ASIC1: variants seen among roughly 807,000 people sequenced by gnomAD.
ASIC1 encodes acid-sensing ion channel 1.
Under a neutral mutation model 63.4 loss-of-function variants are expected in ASIC1, and 21 were observed. That is an observed-to-expected ratio of 0.33 (90% CI 0.23 to 0.48). The LOEUF is 0.48. Ranked by LOEUF, ASIC1 falls within the 20% of genes least tolerant of loss-of-function variation. ASIC1 has a pLI of 0.99. For synonymous variants in ASIC1, 258 were observed against 278.2 expected (o/e 0.93, Z 0.72); for missense variants, 478 against 695.5 (o/e 0.69, Z 3.52).
At chr12:50,079,864 C>T in intron 7 of ASIC1, 38 bp from the exon 8 acceptor site, 1 of 1,565,454 alleles carries the variant, frequency 6.4e-7, no homozygotes, top group Admixed American at 1.8e-5. Context: ...GGCAGAAGGG[C>T]ACCACTCAAC....
At chr12:50,072,381 G>GTT (rs1950608192) in intron 3 of ASIC1, among the ~76,000 whole-genome samples, 1 of 152,120 alleles carries the variant, frequency 6.6e-6, no homozygotes, top group Non-Finnish European at 1.5e-5. Context: ...TTGGCTGATG[G>GTT]CTCAAGTTCC....
intron 3 of ASIC1, among the ~76,000 whole-genome samples, chr12:50,067,092 C>G (rs1379036909): frequency 1.6e-5 from 2 of 123,776 alleles, no homozygotes; most frequent in African/African-American, 6.2e-5. Flanking sequence ...ATGTATCGGT[C>G]TTTGTGCTAA....
intron 3 of ASIC1, among the ~76,000 whole-genome samples, chr12:50,071,638 G>A (rs1224403247): frequency 6.6e-6 from 1 of 151,448 alleles, no homozygotes; most frequent in Non-Finnish European, 1.5e-5. Flanking sequence ...AGGCAGTGGG[G>A]AGTGAGAGAA....
intron 3 of ASIC1, among the ~76,000 whole-genome samples, chr12:50,070,085 T>C (rs902450641): frequency 6.6e-6 from 1 of 151,958 alleles, no homozygotes; most frequent in Non-Finnish European, 1.5e-5. Flanking sequence ...GAAAGGGATA[T>C]AGAAAAAGTC....
At chr12:50,067,997 T>A (rs547647241) in intron 3 of ASIC1, among the ~76,000 whole-genome samples, 31 of 152,324 alleles carry the variant, frequency 2.0e-4, no homozygotes, top group Admixed American at 4.6e-4. Flanking sequence ...CCCAGAAAGT[T>A]CCTTCAGGCT....
rs148652119 is a variant in ASIC1 at position 50,078,467 on chromosome 12, T to A, written c.884T>A (p.Met295Lys). The A allele has an allele frequency of 1.2e-5, 20 of 1,614,068 alleles. No individual in the cohort carries two copies. The highest frequency in any genetic ancestry group is 1.6e-5 in the Non-Finnish European group (19 of 1,179,986). Residue 295 changes from methionine to lysine, a missense_variant, in exon 6 of 12, where the codon ATG (methionine) becomes AAG (lysine). By Grantham distance (95) the Met-to-Lys change is moderately conservative. Transcript: ENST00000447966. The surrounding 1 kb of genome is among the most constrained non-coding windows in gnomAD (Gnocchi z 6.0). Reference protein sequence around the residue: ...PPWGTCKAVTMDSDLDFFDSY... With the variant: ...PPWGTCKAVTKDSDLDFFDSY... ...TGGGGCACCTGCAAAGCTGTTACCA[T>A]GGACTCGGATTTGGATTTCTTCGAC...
rs1237954012 is a variant in ASIC1, at chr12:50,059,088, C to T, written c.322C>T (p.Leu108=). 3 of 1,613,978 alleles carry T rather than the reference C, an allele frequency of 1.9e-6. No individual in the cohort carries two copies. Among genetic ancestry groups the T allele is most frequent in the Non-Finnish European group, 2.5e-6 (3 of 1,180,028 alleles). ...FRFSQVSKND[L]YHAGELLALL... Reference sequence around the variant, plus strand: ...CTTTAGCCAAGTCTCCAAGAATGACCTGTATCATGCTGGGGAGCTGCTGGC... The same window carrying T: ...CTTTAGCCAAGTCTCCAAGAATGACTTGTATCATGCTGGGGAGCTGCTGGC... The change falls in exon 2 of 12, where the codon CTG becomes TTG. Residue 108 remains leucine (L), a synonymous_variant. Coordinates refer to ENST00000447966, the MANE Select transcript of ASIC1 (RefSeq NM_001095.4). The surrounding 1 kb of genome is among the most constrained non-coding windows in gnomAD (Gnocchi z 4.6).
chr12:50,083,037 A>G lies in ASIC1; in HGVS notation c.*1388A>G, dbSNP rs1950737123. On this transcript the variant is annotated 3_prime_UTR_variant, in exon 12 of 12. Coordinates refer to ENST00000447966, the MANE Select transcript of ASIC1 (RefSeq NM_001095.4). ...GGAGGTCTACCCTGGACACTAAGCC[A>G]AGTGTGTCAGAGACAGAAGGGAGCT... 1 of 152,690 alleles carries G rather than the reference A, an allele frequency of 6.5e-6. No homozygotes were observed. The highest frequency in any genetic ancestry group is 6.5e-5 in the Admixed American group (1 of 15,288). The allele number at this position is 152,690 out of a possible 1,614,324, so 9.5% of individuals were successfully genotyped here.
chr12:50,062,129 A>G (rs548946889), intron 3 of ASIC1, among the ~76,000 whole-genome samples: 16 of 152,096 alleles, frequency 1.1e-4, no homozygotes, highest in African/African-American at 3.6e-4. Context: ...CAAGAGCTCT[A>G]CCCATAGGGA....
chr12:50,069,251 TTTTATTTTATTTATTTA>T (rs1249870708), intron 3 of ASIC1, among the ~76,000 whole-genome samples: 1 of 131,196 alleles, frequency 7.6e-6, no homozygotes, highest in African/African-American at 2.8e-5. Context: ...TTTATTTATT[TTTTATTTTATTTATTTA>T]TTTATTTATT....
At chr12:50,058,658 G>T in intron 1 of ASIC1, 93 bp from the exon 2 acceptor site, 1 of 1,454,948 alleles carries the variant, frequency 6.9e-7, no homozygotes, top group Non-Finnish European at 9.1e-7. Flanking sequence ...GGTGACCTCT[G>T]GAGATGAGGA....
Position 50,082,583 on chromosome 12 carries a change from G to A in ASIC1, c.*934G>A, listed in dbSNP as rs1288593554. The A allele has an allele frequency of 2.0e-5, 3 of 152,428 alleles. No individual in the cohort carries two copies. Among genetic ancestry groups the A allele is most frequent in the East Asian group, 1.9e-4 (1 of 5,196 alleles). 9.4% of individuals were successfully genotyped at this position (152,428 alleles called of 1,614,324 possible). A position where few individuals can be genotyped will look rare whatever the true frequency, so the allele number is the denominator to read the frequency against. On this transcript the variant is annotated 3_prime_UTR_variant, in exon 12 of 12. Transcript: ENST00000447966. ...ACAGACTCTATATTGCTATATCTCT[G>A]TATATACTTTCCCAGCCCTGTCTGT...
rs1224143129 is a variant in ASIC1 at position 50,078,613 on chromosome 12, C to A, written c.994+36C>A. ...GGGCTCCGAGCATACTCCTGGGGTC[C>A]CTGGGCCTTTGCTGCCCTTCACTAG... On this transcript the variant is annotated intron_variant, in intron 6 of 11. Coordinates refer to ENST00000447966, the MANE Select transcript of ASIC1 (RefSeq NM_001095.4). This position sits in a 1 kb window ranked among gnomAD's most constrained non-coding sequence, Gnocchi z 6.0. 1 of 1,611,064 alleles carries A rather than the reference C, an allele frequency of 6.2e-7. No individual in the cohort carries two copies. Among genetic ancestry groups the A allele is most frequent in the Non-Finnish European group, 8.5e-7 (1 of 1,178,284 alleles).
intron 3 of ASIC1, among the ~76,000 whole-genome samples, chr12:50,069,981 A>G (rs1950583051): frequency 6.6e-6 from 1 of 152,150 alleles, no homozygotes; most frequent in African/African-American, 2.4e-5. Context: ...AGTTACTCAA[A>G]CCTGCTTATT....
At chr12:50,058,606 C>T in intron 1 of ASIC1, 145 bp from the exon 2 acceptor site, 3 of 1,112,990 alleles carry the variant, frequency 2.7e-6, no homozygotes, top group Non-Finnish European at 3.7e-6. Context: ...TGGTCAGCCA[C>T]CTCTGGGCTT....
intron 3 of ASIC1, among the ~76,000 whole-genome samples, chr12:50,064,090 C>T (rs1950524614): frequency 6.6e-6 from 1 of 152,100 alleles, no homozygotes; most frequent in Non-Finnish European, 1.5e-5. Flanking sequence ...GAAGGGGGAA[C>T]ATGCACAGAT....
chr12:50,073,902 G>A (rs1950625762), intron 3 of ASIC1: 1 of 1,535,198 alleles, frequency 6.5e-7, no homozygotes, highest in Non-Finnish European at 8.7e-7. Flanking sequence ...TCCTGTGCCA[G>A]GTAGGGGACC....
At chr12:50,073,302 C>T (rs1013268945) in intron 3 of ASIC1, among the ~76,000 whole-genome samples, 1 of 152,170 alleles carries the variant, frequency 6.6e-6, no homozygotes, top group East Asian at 1.9e-4. Context: ...GGCTCCAGCC[C>T]CCTGCTCTCC....
At position 50,081,691 on chromosome 12, in the gene ASIC1, TA is replaced by T. The variant is rs1950722451; in HGVS notation, c.*43del. 2 of 1,592,780 alleles carry T rather than the reference TA, an allele frequency of 1.3e-6. No homozygotes were observed. Among genetic ancestry groups the T allele is most frequent in the Non-Finnish European group, 1.7e-6 (2 of 1,167,936 alleles). On this transcript the variant is annotated 3_prime_UTR_variant, in exon 12 of 12. Coordinates refer to ENST00000447966, the MANE Select transcript of ASIC1 (RefSeq NM_001095.4). ...AACCAAAGGCCTAGATGGGGAGGAC[TA>T]GGAGAGCGAGGGGGCCCCCAGCTGC...
Sources: gnomAD v4.1 joint callset for allele counts (sites outside exome capture counted in the v4.1 genomes callset) on GRCh38, gnomAD v4.1.1 for gene constraint, Gnocchi (gnomAD v3.1) non-coding constraint, MANE v1.5 for transcripts, NCBI Gene and HGNC (gene_info 2026-07-23, HGNC 2026-07-21) for gene names.